TTC28: variants seen among roughly 807,000 people sequenced by gnomAD.
TTC28 encodes the protein tetratricopeptide repeat protein 28.
TTC28 carries 61 observed loss-of-function variants against 198.0 expected under a neutral mutation model. The observed-to-expected ratio is 0.31, with a 90% CI of 0.25 to 0.38. The LOEUF (loss-of-function observed/expected upper bound fraction) is 0.38. Among genes scored for constraint, TTC28 ranks in the 10% least tolerant of loss-of-function variants. TTC28 has a pLI of 1.00. For missense variants in TTC28, 2,678 were observed against 3,164.0 expected (o/e 0.85, Z 3.69); for synonymous variants, 1,171 against 1,297.8 (o/e 0.90, Z 2.10).
At chr22:27,987,848 G>A (rs1048545603) in intron 21 of TTC28, among the ~76,000 whole-genome samples, 24 of 152,118 alleles carry the variant, frequency 1.6e-4, no homozygotes, top group Non-Finnish European at 2.5e-4. Flanking sequence ...TCAGTCTAGC[G>A]TCCATCTGCT....
intron 2 of TTC28, among the ~76,000 whole-genome samples, chr22:28,537,296 A>AATAAC (rs2049304540): frequency 1.1e-5 from 1 of 94,724 alleles, no homozygotes; most frequent in East Asian, 2.6e-4. Context: ...CCGTCTCAAA[A>AATAAC]ATAAAATAAA....
At chr22:28,032,559 TA>T (rs1423343740) in intron 12 of TTC28, among the ~76,000 whole-genome samples, 3 of 151,958 alleles carry the variant, frequency 2.0e-5, no homozygotes, top group Non-Finnish European at 4.4e-5. Context: ...ATGTGCAAAG[TA>T]TTTTTACACA....
intron 1 of TTC28, among the ~76,000 whole-genome samples, chr22:28,649,567 T>C (rs975825618): frequency 8.5e-5 from 13 of 152,178 alleles, no homozygotes; most frequent in East Asian, 3.8e-4. Flanking sequence ...TACAAACTAT[T>C]CAATATAAAC....
chr22:28,601,813 C>A (rs999700082), intron 2 of TTC28, among the ~76,000 whole-genome samples: 2 of 151,378 alleles, frequency 1.3e-5, no homozygotes, highest in African/African-American at 4.9e-5. Context: ...CACACACACA[C>A]ACAGTTCTGG....
intron 21 of TTC28, 64 bp from the exon 22 acceptor site, chr22:27,985,420 C>A: frequency 7.7e-7 from 1 of 1,298,194 alleles, no homozygotes; most frequent in African/African-American, 1.5e-5. Context: ...TGAACATGAG[C>A]GCTATAGGGC....
chr22:28,377,972 G>A (rs534100016), intron 2 of TTC28, among the ~76,000 whole-genome samples: 2 of 152,120 alleles, frequency 1.3e-5, no homozygotes, highest in Non-Finnish European at 2.9e-5. Context: ...AAAAAAACAC[G>A]AGCATGCTAA....
intron 2 of TTC28, among the ~76,000 whole-genome samples, chr22:28,563,157 A>G (rs2049916152): frequency 6.6e-6 from 1 of 152,156 alleles, no homozygotes; most frequent in African/African-American, 2.4e-5. Flanking sequence ...TAGAAAAAAT[A>G]TACAAAAAAT....
Position 28,326,110 on chromosome 22 carries a change from C to T in TTC28, c.382-19467G>A, listed in dbSNP as rs142714237. Among the ~76,000 whole-genome samples the T allele has an allele frequency of 9.9e-3, 1,508 of 152,200 alleles. 10 individuals are homozygous for T. The highest frequency in any genetic ancestry group is 0.024 in the Middle Eastern group (7 of 294). On this transcript the variant is annotated intron_variant, in intron 2 of 22. Coordinates refer to ENST00000397906, the MANE Select transcript of TTC28 (RefSeq NM_001145418.2). Reference sequence around the variant, plus strand: ...GTCCTTCAATGGGTGAATGGATAGACATGCTGTGATACATCCATACAATGA... The same window carrying T: ...GTCCTTCAATGGGTGAATGGATAGATATGCTGTGATACATCCATACAATGA...
chr22:28,152,199 G>C (rs1376821422), intron 6 of TTC28, among the ~76,000 whole-genome samples: 4 of 152,192 alleles, frequency 2.6e-5, no homozygotes, highest in Non-Finnish European at 4.4e-5. Flanking sequence ...AGCTTCTCTA[G>C]GAAAAGAGGA....
At chr22:28,319,797 T>C (rs975871720) in intron 2 of TTC28, among the ~76,000 whole-genome samples, 7 of 152,202 alleles carry the variant, frequency 4.6e-5, no homozygotes, top group African/African-American at 1.4e-4. Flanking sequence ...AAAGAGTTGA[T>C]AGCCAGAAAG....
At chr22:28,622,305 C>T (rs1454112088) in intron 2 of TTC28, among the ~76,000 whole-genome samples, 2 of 152,198 alleles carry the variant, frequency 1.3e-5, no homozygotes, top group Non-Finnish European at 2.9e-5. Flanking sequence ...TGTCTACTCA[C>T]ATCTTTGGCT....
intron 6 of TTC28, among the ~76,000 whole-genome samples, chr22:28,125,760 A>G (rs1389705821): frequency 6.6e-6 from 1 of 152,222 alleles, no homozygotes; most frequent in African/African-American, 2.4e-5. Flanking sequence ...TAAAATCATT[A>G]ATAAAATTTA....
chr22:28,173,455 C>A (rs543093903), intron 5 of TTC28, among the ~76,000 whole-genome samples: 29 of 152,320 alleles, frequency 1.9e-4, no homozygotes, highest in Admixed American at 1.0e-3. Context: ...TCTGGAACAT[C>A]TGTATTTGAA....
chr22:28,445,289 C>G (rs964687160), intron 2 of TTC28, among the ~76,000 whole-genome samples: 2 of 152,112 alleles, frequency 1.3e-5, no homozygotes, highest in African/African-American at 4.8e-5. Context: ...GAGAAAGTTA[C>G]GAAGAAGTTA....
intron 1 of TTC28, among the ~76,000 whole-genome samples, chr22:28,637,007 T>TTTG (rs1369441674): frequency 7.0e-6 from 1 of 141,910 alleles, no homozygotes; most frequent in East Asian, 2.0e-4. Flanking sequence ...GTCTTCAGTT[T>TTTG]TTTTTTTTTT....
chr22:28,329,618 A>G (rs2045584923), intron 2 of TTC28, among the ~76,000 whole-genome samples: 2 of 152,222 alleles, frequency 1.3e-5, no homozygotes, highest in Non-Finnish European at 2.9e-5. Flanking sequence ...TGCCCTTTAC[A>G]GACACTTTAA....
intron 2 of TTC28, among the ~76,000 whole-genome samples, chr22:28,625,185 C>T (rs936592591): frequency 3.3e-5 from 5 of 151,810 alleles, no homozygotes; most frequent in East Asian, 1.9e-4. Context: ...AACATTGTAC[C>T]GGATATGCTA....
intron 2 of TTC28, among the ~76,000 whole-genome samples, chr22:28,581,024 A>G (rs534945399): frequency 1.1e-4 from 16 of 152,188 alleles, no homozygotes; most frequent in Non-Finnish European, 2.4e-4. Flanking sequence ...AATTTTATAC[A>G]TCCAATATGG....
intron 5 of TTC28, among the ~76,000 whole-genome samples, chr22:28,173,886 G>A (rs1311464782): frequency 6.6e-6 from 1 of 152,074 alleles, no homozygotes. Flanking sequence ...TATTTTGTGG[G>A]AGGATTACAT....
Sources: allele counts gnomAD v4.1 joint callset (sites outside exome capture counted in the v4.1 genomes callset), GRCh38; gene constraint gnomAD v4.1.1; transcripts MANE v1.5; gene names NCBI Gene and HGNC (gene_info 2026-07-23, HGNC 2026-07-21).